Variants in MARK3 observed in about 807,000 individuals in gnomAD.
MARK3 encodes MAP/microtubule affinity-regulating kinase 3.
MARK3 carries 46 observed loss-of-function variants against 90.1 expected under a neutral mutation model. The ratio of observed to expected loss-of-function variants is 0.51; its 90% CI spans 0.40 to 0.65. MARK3 has a LOEUF of 0.65. MARK3 is among the 30% of genes least tolerant of loss of function. The pLI, the probability that MARK3 is intolerant of heterozygous loss-of-function variation, is 0.00. For synonymous variants in MARK3, 321 were observed against 332.6 expected (o/e 0.97, Z 0.38); for missense variants, 818 against 947.2 (o/e 0.86, Z 1.79).
At chr14:103,399,082 C>T (rs2090771524) in intron 1 of MARK3, among the ~76,000 whole-genome samples, 1 of 152,138 alleles carries the variant, frequency 6.6e-6, no homozygotes, top group African/African-American at 2.4e-5. Flanking sequence ...TGGTTCTCTG[C>T]CTGGTAGATA....
intron 17 of MARK3, among the ~76,000 whole-genome samples, chr14:103,502,218 C>G (rs1330202610): frequency 6.6e-6 from 1 of 152,238 alleles, no homozygotes; most frequent in Admixed American, 6.5e-5. Context: ...TGGTGTCAGT[C>G]CCCCACAGAC....
intron 2 of MARK3, among the ~76,000 whole-genome samples, chr14:103,407,601 G>A (rs893678192): frequency 5.3e-5 from 6 of 112,784 alleles, no homozygotes; most frequent in East Asian, 3.0e-4. Flanking sequence ...TAGCTCTGTC[G>A]CCAGGCTGGA....
Position 103,397,436 on chromosome 14 carries a change from C to T in MARK3, c.52-7640C>T, listed in dbSNP as rs184753979. Among the ~76,000 whole-genome samples, 169 of 151,446 alleles carry T rather than the reference C, an allele frequency of 1.1e-3. 1 individual carries two copies. Among genetic ancestry groups the T allele is most frequent in the African/African-American group, 3.8e-3 (158 of 41,264 alleles). ...CCGCCTCCCAGGTTCAAACGATTCT[C>T]CTGCCTCAGCCTTCTGAGTAGCTGG... On this transcript the variant is annotated intron_variant, in intron 1 of 17. Coordinates refer to ENST00000429436, the MANE Select transcript of MARK3 (RefSeq NM_001128918.3).
chr14:103,495,714 A>G (rs950541106), intron 15 of MARK3, among the ~76,000 whole-genome samples: 1 of 152,202 alleles, frequency 6.6e-6, no homozygotes, highest in African/African-American at 2.4e-5. Context: ...TTTTGCAGAA[A>G]GATAGTCTTT....
At chr14:103,424,702 G>A (rs190292077) in intron 2 of MARK3, among the ~76,000 whole-genome samples, 83 of 151,996 alleles carry the variant, frequency 5.5e-4, no homozygotes, top group African/African-American at 2.0e-3. Context: ...AAGAGGAGGA[G>A]GAATAAAGCA....
Position 103,503,065 on chromosome 14 carries a change from C to T in MARK3, c.2100C>T (p.Cys700=), listed in dbSNP as rs535720209. 1.6e-5 allele frequency: 26 copies of T among 1,614,214 alleles called. No individual in the cohort carries two copies. The highest frequency in any genetic ancestry group is 1.5e-4 in the South Asian group (14 of 91,088). The change falls in exon 18 of 18, where the codon TGC becomes TGT. Residue 700 remains cysteine, a synonymous_variant. Coordinates refer to ENST00000429436, the MANE Select transcript of MARK3 (RefSeq NM_001128918.3). ...YEQRERFLLF[C]VHGDGHAENL... is the part of the protein sequence containing the mutation. ...AGAGGGAGCGCTTCTTGCTCTTCTG[C>T]GTCCACGGAGATGGGCACGCGGAGA...
Position 103,503,460 on chromosome 14 carries a change from G to A in MARK3, c.*233G>A, listed in dbSNP as rs1348055893. The stretch of plus-strand genomic sequence containing the variant: ...CCCTACTTCCGTTACCCTGAGAGTC[G>A]GTGTGTGGCCCCATCTCCATGTGCC... On this transcript the variant is annotated 3_prime_UTR_variant, in exon 18 of 18. Coordinates refer to ENST00000429436, the MANE Select transcript of MARK3 (RefSeq NM_001128918.3). 7 of 543,378 alleles carry A rather than the reference G, an allele frequency of 1.3e-5. No individual in the cohort carries two copies. The highest frequency in any genetic ancestry group is 6.3e-5 in the East Asian group (2 of 31,834). 33.7% of individuals were successfully genotyped at this position (543,378 alleles called of 1,614,324 possible).
chr14:103,494,421 C>T (rs1163315729), intron 15 of MARK3, among the ~76,000 whole-genome samples: 2 of 149,894 alleles, frequency 1.3e-5, no homozygotes, highest in African/African-American at 4.9e-5. Flanking sequence ...CATGGTGGCA[C>T]ATGCCTGTAA....
intron 14 of MARK3, among the ~76,000 whole-genome samples, chr14:103,486,517 T>TA (rs1171605982): frequency 6.6e-6 from 1 of 152,158 alleles, no homozygotes; most frequent in African/African-American, 2.4e-5. Context: ...TTTTAATTAT[T>TA]AAAAAAATGT....
chr14:103,494,008 C>T (rs893601756), intron 15 of MARK3, among the ~76,000 whole-genome samples: 4 of 145,800 alleles, frequency 2.7e-5, no homozygotes, highest in Admixed American at 2.0e-4. Context: ...CCAAGAGGGG[C>T]GGATCACCTG....
At chr14:103,470,463 T>TTTTTTTTTTTTTTTTTC (rs2093606411) in intron 12 of MARK3, among the ~76,000 whole-genome samples, 1 of 105,256 alleles carries the variant, frequency 9.5e-6, no homozygotes, top group Non-Finnish European at 2.1e-5. Flanking sequence ...CTATTTTTTT[T>TTTTTTTTTTTTTTTTTC]TTTTTTTTTG....
chr14:103,459,015 G>C (rs1011564504), intron 6 of MARK3, among the ~76,000 whole-genome samples: 1 of 151,886 alleles, frequency 6.6e-6, no homozygotes, highest in Admixed American at 6.6e-5. Context: ...TAATTTGATT[G>C]TATGGTCTAT....
chr14:103,459,804 G>A lies in MARK3; in HGVS notation c.483+2592G>A, dbSNP rs112636492. Among the ~76,000 whole-genome samples, 213 of 151,650 alleles carry A rather than the reference G, an allele frequency of 1.4e-3. 1 individual carries two copies. The highest frequency in any genetic ancestry group is 4.8e-3 in the African/African-American group (198 of 41,360). On this transcript the variant is annotated intron_variant, in intron 6 of 17. Transcript: ENST00000429436. ...GCTGGGATTACAGATGTGAGCCATC[G>A]TAATGTGGCCTCAATTTCTGTGCTT...
chr14:103,480,615 T>G, intron 14 of MARK3, 125 bp downstream of exon 14: 1 of 606,778 alleles, frequency 1.6e-6, no homozygotes, highest in Non-Finnish European at 2.9e-6. Flanking sequence ...TGAAGGTAAG[T>G]TAAATTTGTA....
At position 103,386,654 on chromosome 14, in the gene MARK3, GTTTCC is replaced by G. The variant is rs538070463; in HGVS notation, c.51+580_51+584del. ...CTAGCGCGCAGCCTTTATTAAGGCAGTTTCCTTTCCATACAAATCTTTTTTGAAGG... is the reference window on the plus strand; with the variant it reads ...CTAGCGCGCAGCCTTTATTAAGGCAGTTTCCATACAAATCTTTTTTGAAGG... On this transcript the variant is annotated intron_variant, in intron 1 of 17. Coordinates refer to ENST00000429436, the MANE Select transcript of MARK3 (RefSeq NM_001128918.3). Among the ~76,000 whole-genome samples, 10 of 152,310 alleles carry G rather than the reference GTTTCC, an allele frequency of 6.6e-5. No homozygotes were observed. In the South Asian group the frequency reaches 2.1e-3, roughly 32 times the overall value.
chr14:103,487,004 A>G (rs2093941887), intron 14 of MARK3, among the ~76,000 whole-genome samples: 1 of 151,490 alleles, frequency 6.6e-6, no homozygotes, highest in Non-Finnish European at 1.5e-5. Flanking sequence ...TGCAGCTACC[A>G]CCCCCGGGTT....
At chr14:103,502,802 C>G (rs922557558) in intron 17 of MARK3, 80 bp from the exon 18 acceptor site, 1 of 1,099,248 alleles carries the variant, frequency 9.1e-7, no homozygotes, top group Admixed American at 2.3e-5. Context: ...GTATCAAAGA[C>G]GTGAATGAGG....
At chr14:103,476,702 G>A (rs916666944) in intron 13 of MARK3, among the ~76,000 whole-genome samples, 1 of 139,838 alleles carries the variant, frequency 7.2e-6, no homozygotes, top group Admixed American at 6.7e-5. Context: ...GAAAAACCCT[G>A]GACTGAGGAG....
At chr14:103,413,737 C>T (rs1044511546) in intron 2 of MARK3, among the ~76,000 whole-genome samples, 4 of 152,006 alleles carry the variant, frequency 2.6e-5, no homozygotes, top group South Asian at 2.1e-4. Context: ...AGATTACAGG[C>T]GTGAGCCACC....
Sources: gnomAD v4.1 joint callset for allele counts (sites outside exome capture counted in the v4.1 genomes callset) on GRCh38, gnomAD v4.1.1 for gene constraint, MANE v1.5 for transcripts, NCBI Gene and HGNC (gene_info 2026-07-23, HGNC 2026-07-21) for gene names.